AGO2: variants seen among roughly 807,000 people sequenced by gnomAD.
AGO2 encodes argonaute RISC catalytic component 2.
AGO2 carries 5 observed loss-of-function variants against 102.3 expected under a neutral mutation model. The observed-to-expected ratio is 0.05, with a 90% confidence interval of 0.03 to 0.10. AGO2 has a LOEUF of 0.10. Among genes scored for constraint, AGO2 ranks in the 10% least tolerant of loss-of-function variants. AGO2 has a pLI of 1.00. For missense variants in AGO2, 541 were observed against 1,183.7 expected, an observed-to-expected ratio of 0.46 and a Z score of 7.97; for synonymous variants, 449 against 473.1, an observed-to-expected ratio of 0.95 and a Z score of 0.66.
chr8:140,622,108 C>T (rs954204161), intron 1 of AGO2, among the ~76,000 whole-genome samples: 1 of 152,202 alleles, frequency 6.6e-6, no homozygotes, highest in African/African-American at 2.4e-5. Context: ...ACCGTGAAGA[C>T]ATGCCGAGTG....
intron 3 of AGO2, 114 bp downstream of exon 3, chr8:140,572,698 C>T: frequency 7.0e-7 from 1 of 1,438,668 alleles, no homozygotes; most frequent in Non-Finnish European, 9.3e-7. Flanking sequence ...GAACTGCTCT[C>T]TCCTCCTCAG....
At chr8:140,562,789 G>A (rs796711956) in intron 3 of AGO2, among the ~76,000 whole-genome samples, 155 bp from the exon 4 acceptor site, 10 of 152,322 alleles carry the variant, frequency 6.6e-5, no homozygotes, top group African/African-American at 2.4e-4. Context: ...TGGAGCACTT[G>A]AAATATGACC....
chr8:140,610,957 T>C (rs2074067916), intron 1 of AGO2, among the ~76,000 whole-genome samples: 1 of 152,224 alleles, frequency 6.6e-6, no homozygotes, highest in African/African-American at 2.4e-5. Context: ...TTAATTAAAG[T>C]GGAACATCTC....
intron 1 of AGO2, among the ~76,000 whole-genome samples, chr8:140,604,782 G>A (rs183741466): frequency 0.017 from 2,523 of 151,538 alleles, 76 homozygotes; most frequent in African/African-American, 0.057. Context: ...AGCCGAGGTC[G>A]CGCCACTGCA....
At chr8:140,628,744 AAC>A (rs2074305807) in intron 1 of AGO2, among the ~76,000 whole-genome samples, 1 of 151,868 alleles carries the variant, frequency 6.6e-6, no homozygotes, top group Non-Finnish European at 1.5e-5. Flanking sequence ...TAGCCTGGGC[AAC>A]AGAGTGAGAC....
intron 18 of AGO2, 47 bp from the exon 19 acceptor site, chr8:140,532,199 C>A: frequency 6.4e-7 from 1 of 1,552,224 alleles, no homozygotes; most frequent in East Asian, 2.3e-5. Flanking sequence ...AGCCTTAATG[C>A]ACGATGAGGC....
intron 16 of AGO2, among the ~76,000 whole-genome samples, chr8:140,536,006 T>C (rs889694539): frequency 6.6e-6 from 1 of 152,214 alleles, no homozygotes; most frequent in Non-Finnish European, 1.5e-5. Flanking sequence ...GCAGAGGCGC[T>C]GGGAGGCTCT....
chr8:140,547,702 C>T (rs546381870), intron 12 of AGO2, 75 bp from the exon 13 acceptor site: 123 of 1,541,698 alleles, frequency 8.0e-5, no homozygotes, highest in Non-Finnish European at 1.0e-4. Context: ...GCAGCTGCCA[C>T]CAGCCCTCTT....
chr8:140,571,274 G>A (rs146151151), intron 3 of AGO2, among the ~76,000 whole-genome samples: 110 of 152,328 alleles, frequency 7.2e-4, no homozygotes, highest in Admixed American at 6.4e-3. Flanking sequence ...GTCAGAGCGT[G>A]ATAAGGTGAA....
intron 1 of AGO2, among the ~76,000 whole-genome samples, chr8:140,632,027 C>T (rs369290644): frequency 1.3e-5 from 2 of 152,154 alleles, no homozygotes; most frequent in Admixed American, 6.5e-5. Flanking sequence ...AGTAACGATT[C>T]GTGAAACAAA....
rs73364314 is a variant in AGO2 at position 140,619,674 on chromosome 8, G to A, written c.22+15811C>T. 8.8e-3 allele frequency among the ~76,000 whole-genome samples: 1,347 copies of A among 152,332 alleles called. 13 individuals are homozygous for A. The highest frequency in any genetic ancestry group is 0.037 in the Middle Eastern group (11 of 294). On this transcript the variant is annotated intron_variant, in intron 1 of 18. Transcript: ENST00000220592. ...GAAGAGCCACACACATGAGGGCTGC[G>A]GTCAGAAAGTCTGTGTCTCGCAGGG...
chr8:140,633,218 T>C (rs1275780338), intron 1 of AGO2, among the ~76,000 whole-genome samples: 1 of 152,184 alleles, frequency 6.6e-6, no homozygotes, highest in Non-Finnish European at 1.5e-5. Context: ...AATTCTAAAT[T>C]AGAAAGTATA....
At chr8:140,541,515 CT>C in intron 14 of AGO2, 157 bp from the exon 15 acceptor site, 1 of 661,910 alleles carries the variant, frequency 1.5e-6, no homozygotes. Context: ...TGAACTCAGC[CT>C]TTAGGCTTTT....
chr8:140,559,327 C>T (rs1460334937), intron 6 of AGO2, 68 bp downstream of exon 6: 16 of 1,576,746 alleles, frequency 1.0e-5, no homozygotes, highest in South Asian at 3.5e-5. Context: ...CTGCAAAATG[C>T]GGTCCCGGAG....
At chr8:140,550,355 C>A (rs1351492436) in intron 11 of AGO2, among the ~76,000 whole-genome samples, 1 of 152,236 alleles carries the variant, frequency 6.6e-6, no homozygotes, top group Non-Finnish European at 1.5e-5. Flanking sequence ...CCTTTGAAGT[C>A]TGGCACAAAG....
intron 10 of AGO2, among the ~76,000 whole-genome samples, chr8:140,552,156 C>T (rs2073010574): frequency 6.6e-6 from 1 of 152,236 alleles, no homozygotes; most frequent in Non-Finnish European, 1.5e-5. Context: ...CATTTCCCCT[C>T]CTCTATCACC....
At chr8:140,627,254 G>A (rs929307487) in intron 1 of AGO2, among the ~76,000 whole-genome samples, 7 of 152,314 alleles carry the variant, frequency 4.6e-5, no homozygotes, top group Admixed American at 3.3e-4. Flanking sequence ...TCCAACCGTC[G>A]GAACAAGAGT....
At chr8:140,550,125 C>T (rs565934599) in intron 11 of AGO2, among the ~76,000 whole-genome samples, 1 of 152,284 alleles carries the variant, frequency 6.6e-6, no homozygotes, top group African/African-American at 2.4e-5. Context: ...AGCTTGCTTC[C>T]CAAACCCCCT....
At chr8:140,595,841 ATATATTATATTTATATTATATACAATTG>A (rs2073825970) in intron 1 of AGO2, among the ~76,000 whole-genome samples, 1 of 111,888 alleles carries the variant, frequency 8.9e-6, no homozygotes, top group Non-Finnish European at 1.7e-5. Context: ...ATACAATTGT[ATATATTATATTTATATTATATACAATTG>A]TATATTATAT....
Sources: allele counts gnomAD v4.1 joint callset (sites outside exome capture counted in the v4.1 genomes callset), GRCh38; gene constraint gnomAD v4.1.1; transcripts MANE v1.5; gene names NCBI Gene and HGNC (gene_info 2026-07-23, HGNC 2026-07-21).